MYO3B: variants seen among roughly 807,000 people sequenced by gnomAD.
MYO3B encodes myosin IIIB.
Under a neutral mutation model 174.6 loss-of-function variants are expected in MYO3B, and 156 were observed. The observed-to-expected ratio is 0.89, with a 90% CI of 0.78 to 1.02. The LOEUF (loss-of-function observed/expected upper bound fraction) is 1.02, where lower values mean the gene tolerates loss of function less well. MYO3B is among the 50% of genes least tolerant of loss of function. The probability of loss-of-function intolerance (pLI) is 0.00; values close to 1 mark genes in which losing one functional copy is unlikely to be tolerated. For synonymous variants in MYO3B, 563 were observed against 569.1 expected (o/e 0.99, Z 0.15); for missense variants, 1,632 against 1,639.4 (o/e 1.00, Z 0.08).
intron 1 of MYO3B, among the ~76,000 whole-genome samples, chr2:170,195,953 T>G (rs1456954098): frequency 6.6e-6 from 1 of 152,224 alleles, no homozygotes; most frequent in Non-Finnish European, 1.5e-5. Context: ...AAAATTTGTT[T>G]CTCTACCTTG....
intron 22 of MYO3B, among the ~76,000 whole-genome samples, chr2:170,434,000 A>G (rs2094731249): frequency 1.3e-5 from 2 of 152,196 alleles, no homozygotes; most frequent in Admixed American, 6.5e-5. Context: ...GCTAAGGGAG[A>G]AAGTAAAAAC....
intron 3 of MYO3B, among the ~76,000 whole-genome samples, chr2:170,202,329 T>A (rs1327643080): frequency 6.6e-6 from 1 of 152,210 alleles, no homozygotes; most frequent in Admixed American, 6.5e-5. Context: ...GTGGGTGATA[T>A]GAGATACTGG....
In MYO3B at chr2:170,463,001, G is replaced by A. The variant is rs965422496; in HGVS notation, c.2731-367G>A. Among the ~76,000 whole-genome samples the A allele has an allele frequency of 1.3e-4, 20 of 152,186 alleles. 2 individuals carry two copies. The highest frequency in any genetic ancestry group is 1.2e-3 in the Admixed American group (19 of 15,280). On this transcript the variant is annotated intron_variant, in intron 23 of 34. Transcript: ENST00000408978. The stretch of plus-strand genomic sequence containing the variant: ...ACAACCTGGGCTTTGGGGCCATCAC[G>A]TCTTTATAATCATTTCGCCTCATGG...
At chr2:170,409,456 T>C (rs949640356) in intron 22 of MYO3B, among the ~76,000 whole-genome samples, 1 of 152,250 alleles carries the variant, frequency 6.6e-6, no homozygotes, top group Admixed American at 6.5e-5. Flanking sequence ...AAACGTGATG[T>C]ACCAATAGGC....
intron 32 of MYO3B, among the ~76,000 whole-genome samples, chr2:170,599,283 C>T (rs953925466): frequency 1.3e-5 from 2 of 152,178 alleles, no homozygotes; most frequent in African/African-American, 4.8e-5. Flanking sequence ...CAGGCAGTTA[C>T]ATCAAAGGAG....
At chr2:170,482,499 G>GCTC (rs758742182) in intron 25 of MYO3B, among the ~76,000 whole-genome samples, 4 of 152,130 alleles carry the variant, frequency 2.6e-5, no homozygotes, top group African/African-American at 4.8e-5. Flanking sequence ...AATGTGACTT[G>GCTC]CTCCTCCTTG....
Position 170,206,908 on chromosome 2 carries a change from A to G in MYO3B, c.321+6624A>G, listed in dbSNP as rs1057500631. 2.0e-5 allele frequency among the ~76,000 whole-genome samples: 3 copies of G among 152,162 alleles called. No homozygotes were observed. Among genetic ancestry groups the G allele is most frequent in the Non-Finnish European group, 4.4e-5 (3 of 68,036 alleles). ...GTCTCTGACACTCCCTCCTATCATG[A>G]GGTCCTCATGTCCTTTGTCCTTATT... On this transcript the variant is annotated intron_variant, in intron 3 of 34. Coordinates refer to ENST00000408978, the MANE Select transcript of MYO3B (RefSeq NM_138995.5). This position sits in a 1 kb window ranked among gnomAD's most constrained non-coding sequence, Gnocchi z 4.3.
At chr2:170,329,848 G>T (rs1574797319) in intron 7 of MYO3B, among the ~76,000 whole-genome samples, 1 of 152,254 alleles carries the variant, frequency 6.6e-6, no homozygotes, top group African/African-American at 2.4e-5. Flanking sequence ...ACAGACACAC[G>T]ACTAACTATT....
rs962189542 is a variant in MYO3B, at chr2:170,273,584, T to C, written c.749+37448T>C. Among the ~76,000 whole-genome samples, 7 of 152,276 alleles carry C rather than the reference T, an allele frequency of 4.6e-5. No individual in the cohort carries two copies. In the South Asian group the frequency reaches 1.0e-3, roughly 23 times the overall value. The stretch of plus-strand genomic sequence containing the variant: ...ATCGTTCTTTATGTTTAACACATAC[T>C]GTATCATCTGCCTGGGATGCTCATT... On this transcript the variant is annotated intron_variant, in intron 7 of 34. Transcript: ENST00000408978.
intron 7 of MYO3B, among the ~76,000 whole-genome samples, chr2:170,298,865 C>G (rs925299581): frequency 3.3e-5 from 5 of 151,854 alleles, no homozygotes; most frequent in African/African-American, 1.2e-4. Context: ...GCTTATAATA[C>G]CATATTTCTA....
chr2:170,256,193 A>C (rs1191396389), intron 7 of MYO3B, among the ~76,000 whole-genome samples: 1 of 152,250 alleles, frequency 6.6e-6, no homozygotes, highest in Non-Finnish European at 1.5e-5. Flanking sequence ...AGAGAGAGTT[A>C]GCAATTTGGC....
At chr2:170,611,637 A>C (rs1695133233) in intron 32 of MYO3B, among the ~76,000 whole-genome samples, 1 of 152,212 alleles carries the variant, frequency 6.6e-6, no homozygotes, top group South Asian at 2.1e-4. Context: ...AAAGCCTCCT[A>C]CTACTGCATT....
At chr2:170,616,902 T>C (rs1220777505) in intron 32 of MYO3B, among the ~76,000 whole-genome samples, 2 of 152,256 alleles carry the variant, frequency 1.3e-5, no homozygotes, top group East Asian at 3.8e-4. Context: ...TGATTCCCAA[T>C]TGTGAACAGA....
intron 32 of MYO3B, among the ~76,000 whole-genome samples, chr2:170,611,782 T>C (rs1159815040): frequency 1.3e-5 from 2 of 152,188 alleles, no homozygotes; most frequent in Non-Finnish European, 2.9e-5. Flanking sequence ...CTTGTCAGTT[T>C]CTCCCTCCCT....
intron 32 of MYO3B, among the ~76,000 whole-genome samples, chr2:170,586,036 CA>C: frequency 1.3e-5 from 2 of 152,252 alleles, no homozygotes; most frequent in Admixed American, 1.3e-4. Context: ...AAAAAACAAA[CA>C]AACAAACAAA....
intron 1 of MYO3B, among the ~76,000 whole-genome samples, chr2:170,194,487 A>G (rs1268770560): frequency 1.3e-5 from 2 of 152,020 alleles, no homozygotes; most frequent in East Asian, 3.9e-4. Flanking sequence ...CCTAGACAAC[A>G]GAGGAAGACC....
chr2:170,622,852 T>C (rs1295388213), intron 32 of MYO3B, among the ~76,000 whole-genome samples: 3 of 151,804 alleles, frequency 2.0e-5, no homozygotes, highest in African/African-American at 7.3e-5. Flanking sequence ...GAGGGTTTGC[T>C]CAGAATGATG....
chr2:170,203,525 G>A (rs571541410), intron 3 of MYO3B, among the ~76,000 whole-genome samples: 16 of 150,082 alleles, frequency 1.1e-4, no homozygotes, highest in African/African-American at 3.7e-4. Context: ...GAGGGAGAAA[G>A]AGAGACAGCA....
In MYO3B at chr2:170,387,158, A is replaced by T; in HGVS notation, c.1427A>T (p.Glu476Val). The T allele has an allele frequency of 6.2e-7, 1 of 1,614,144 alleles. No individual in the cohort carries two copies. The highest frequency in any genetic ancestry group is 8.5e-7 in the Non-Finnish European group (1 of 1,179,974). Residue 476 changes from glutamate to valine, a missense_variant, in exon 14 of 35, where the codon GAA becomes GTA. Glu to Val is a moderately radical substitution (Grantham distance 121, BLOSUM62 -2). Coordinates refer to ENST00000408978, the MANE Select transcript of MYO3B (RefSeq NM_138995.5). ...ATTCTACAAGTCAACTCCCTGGTGG[A>T]AGCCTTTGGGAACTCATGCACTGCC... Reference protein sequence around the residue: ...EKILQVNSLVEAFGNSCTAIN... With the variant: ...EKILQVNSLVVAFGNSCTAIN...
Sources: gnomAD v4.1 joint callset for allele counts (sites outside exome capture counted in the v4.1 genomes callset) on GRCh38, gnomAD v4.1.1 for gene constraint, Gnocchi (gnomAD v3.1) non-coding constraint, MANE v1.5 for transcripts, NCBI Gene and HGNC (gene_info 2026-07-23, HGNC 2026-07-21) for gene names.